The following CTNND2 variants were observed in gnomAD, a reference collection of about 807,000 sequenced individuals.
CTNND2 encodes catenin delta 2.
In CTNND2, 22 loss-of-function variants were observed where a neutral mutation model predicts 144.4. That is an observed-to-expected ratio of 0.15 (90% CI 0.11 to 0.22). The LOEUF (loss-of-function observed/expected upper bound fraction) is 0.22, where lower values mean the gene tolerates loss of function less well. Among genes scored for constraint, CTNND2 ranks in the 10% least tolerant of loss-of-function variants. The pLI is 1.00. For synonymous variants in CTNND2, 751 were observed against 695.6 expected, an observed-to-expected ratio of 1.08 and a Z score of -1.25; for missense variants, 1,353 against 1,618.8, an observed-to-expected ratio of 0.84 and a Z score of 2.82.
intron 1 of CTNND2, among the ~76,000 whole-genome samples, chr5:11,890,862 G>C (rs1227672707): frequency 6.6e-6 from 1 of 152,210 alleles, no homozygotes; most frequent in Non-Finnish European, 1.5e-5. Context: ...AATAAACCCA[G>C]GGACAGAGAG....
At chr5:11,046,990 T>A (rs1745331349) in intron 16 of CTNND2, among the ~76,000 whole-genome samples, 1 of 152,236 alleles carries the variant, frequency 6.6e-6, no homozygotes, top group Non-Finnish European at 1.5e-5. Flanking sequence ...TTCATGGGCA[T>A]AATCACCAAC....
chr5:11,042,482 T>G lies in CTNND2; in HGVS notation c.2789-19503A>C, dbSNP rs1238083601. ...GTAATTATTTGCTTAAAATTTCATC[T>G]TCCTTATTAACCAATGAGATGTTTA... On this transcript the variant is annotated intron_variant, in intron 16 of 21. Transcript: ENST00000304623. Among the ~76,000 whole-genome samples, 11 of 152,238 alleles carry G rather than the reference T, an allele frequency of 7.2e-5. No individual in the cohort carries two copies. The South Asian group carries it at 1.0e-3, about 14-fold the overall frequency.
intron 9 of CTNND2, among the ~76,000 whole-genome samples, chr5:11,284,909 C>G (rs1304725132): frequency 6.6e-6 from 1 of 152,146 alleles, no homozygotes; most frequent in African/African-American, 2.4e-5. Flanking sequence ...TAGCAGAAAC[C>G]AGAAATCTGC....
intron 1 of CTNND2, among the ~76,000 whole-genome samples, chr5:11,739,911 C>T (rs955178560): frequency 6.6e-6 from 1 of 151,960 alleles, no homozygotes; most frequent in African/African-American, 2.4e-5. Flanking sequence ...AGACAGAGAG[C>T]CAGATGATGA....
chr5:11,051,310 G>A (rs1454292747), intron 16 of CTNND2, among the ~76,000 whole-genome samples: 1 of 152,188 alleles, frequency 6.6e-6, no homozygotes, highest in East Asian at 1.9e-4. Flanking sequence ...TGGGGGACAA[G>A]CAATTAGCTA....
At chr5:11,600,445 C>T (rs953818680) in intron 2 of CTNND2, among the ~76,000 whole-genome samples, 5 of 152,178 alleles carry the variant, frequency 3.3e-5, no homozygotes, top group Middle Eastern at 6.8e-3. Flanking sequence ...GTGGCTCACG[C>T]CTGTAATCCC....
At chr5:11,081,347 T>C (rs1228634448) in intron 16 of CTNND2, among the ~76,000 whole-genome samples, 1 of 152,166 alleles carries the variant, frequency 6.6e-6, no homozygotes, top group Non-Finnish European at 1.5e-5. Context: ...AGATAATTAT[T>C]TGAAGAGATG....
At chr5:11,186,426 G>C (rs952861963) in intron 11 of CTNND2, among the ~76,000 whole-genome samples, 5 of 152,190 alleles carry the variant, frequency 3.3e-5, no homozygotes, top group African/African-American at 7.2e-5. Context: ...TCCAGTGGAA[G>C]CGATTCCACT....
chr5:11,704,470 T>C (rs1303444750), intron 2 of CTNND2, among the ~76,000 whole-genome samples: 1 of 152,158 alleles, frequency 6.6e-6, no homozygotes, highest in Non-Finnish European at 1.5e-5. Context: ...TGGCAGAGTG[T>C]TGAAAGCACC....
intron 1 of CTNND2, among the ~76,000 whole-genome samples, chr5:11,855,484 G>A (rs1417078718): frequency 1.3e-5 from 2 of 152,244 alleles, no homozygotes; most frequent in East Asian, 3.9e-4. Flanking sequence ...ACATCCAACA[G>A]GTAAAAGCAT....
chr5:11,332,051 G>A lies in CTNND2; in HGVS notation c.1628+14321C>T, dbSNP rs545617458. Among the ~76,000 whole-genome samples the A allele has an allele frequency of 1.6e-4, 24 of 152,104 alleles. 1 individual carries two copies. The South Asian group carries it at 4.4e-3, about 28-fold the overall frequency. ...AGCACTTTGGGAGGCTGAGGTGGGC[G>A]GATCACCTGAGGTCGGGAGTTCGAG... On this transcript the variant is annotated intron_variant, in intron 9 of 21. Transcript: ENST00000304623.
chr5:11,442,056 C>T (rs925642045), intron 3 of CTNND2, among the ~76,000 whole-genome samples: 16 of 151,948 alleles, frequency 1.1e-4, no homozygotes, highest in African/African-American at 3.4e-4. Context: ...AAAAAAAGAA[C>T]GAAATACATA....
At chr5:11,259,351 A>G (rs1744618267) in intron 9 of CTNND2, among the ~76,000 whole-genome samples, 1 of 152,192 alleles carries the variant, frequency 6.6e-6, no homozygotes, top group South Asian at 2.1e-4. Context: ...GCCAAAAAAA[A>G]AGATGGCACC....
rs1005782710 is a variant in CTNND2 at position 11,865,296 on chromosome 5, C to G, written c.37+38521G>C. ...ACAAAAGTTCCTTTCAGAACTAGGACTATATTGCTTGGAAGTTCTCTTTTT... is the reference window on the plus strand; with the variant it reads ...ACAAAAGTTCCTTTCAGAACTAGGAGTATATTGCTTGGAAGTTCTCTTTTT... On this transcript the variant is annotated intron_variant, in intron 1 of 21. Transcript: ENST00000304623. 5.9e-5 allele frequency among the ~76,000 whole-genome samples: 9 copies of G among 152,214 alleles called. No homozygotes were observed. The South Asian group carries it at 1.5e-3, about 25-fold the overall frequency.
chr5:11,128,795 T>A (rs1754988656), intron 12 of CTNND2, among the ~76,000 whole-genome samples: 2 of 61,544 alleles, frequency 3.2e-5, no homozygotes, highest in Non-Finnish European at 5.4e-5. Context: ...TAAATATATA[T>A]TATATATATA....
At chr5:11,171,675 T>C (rs2149787093) in intron 11 of CTNND2, among the ~76,000 whole-genome samples, 1 of 152,296 alleles carries the variant, frequency 6.6e-6, no homozygotes, top group African/African-American at 2.4e-5. Flanking sequence ...AAACACATTT[T>C]ATAGAGTTGT....
chr5:11,735,404 T>C (rs1787625678), intron 1 of CTNND2, among the ~76,000 whole-genome samples: 1 of 152,048 alleles, frequency 6.6e-6, no homozygotes. Flanking sequence ...GAGCAGAAAG[T>C]AAGAAGGAAG....
intron 9 of CTNND2, among the ~76,000 whole-genome samples, chr5:11,336,123 C>T (rs1753697979): frequency 1.3e-5 from 2 of 152,172 alleles, no homozygotes; most frequent in African/African-American, 4.8e-5. Flanking sequence ...TGGAACTGGG[C>T]TCTTGAGCCC....
rs1462907117 is a variant in CTNND2 at position 11,799,679 on chromosome 5, AGGG to A, written c.38-67410_38-67408del. Among the ~76,000 whole-genome samples the A allele has an allele frequency of 5.3e-5, 8 of 152,256 alleles. No homozygotes were observed. In the South Asian group the frequency reaches 1.0e-3, roughly 20 times the overall value. ...TGTCCATATCGCTACTTGGATAAAG[AGGG>A]AGAAGTTTAATATTTTATCCATGCT... On this transcript the variant is annotated intron_variant, in intron 1 of 21. Transcript: ENST00000304623.
Sources: allele counts gnomAD v4.1 joint callset (sites outside exome capture counted in the v4.1 genomes callset), GRCh38; gene constraint gnomAD v4.1.1; transcripts MANE v1.5; gene names NCBI Gene and HGNC (gene_info 2026-07-23, HGNC 2026-07-21).